ATXN1: variants seen among roughly 807,000 people sequenced by gnomAD.
ATXN1 encodes ataxin-1.
A neutral mutation model predicts 56.4 loss-of-function variants in ATXN1; 8 were observed. The ratio of observed to expected loss-of-function variants is 0.14; its 90% CI spans 0.08 to 0.26. The LOEUF is 0.26. Among genes scored for constraint, ATXN1 ranks in the 10% least tolerant of loss-of-function variants. ATXN1 has a pLI of 1.00. For missense variants in ATXN1, 987 were observed against 1,106.5 expected (o/e 0.89, Z 1.53); for synonymous variants, 514 against 494.6 (o/e 1.04, Z -0.52).
chr6:16,694,055 AC>A (rs1381970271), intron 2 of ATXN1, among the ~76,000 whole-genome samples: 1 of 152,226 alleles, frequency 6.6e-6, no homozygotes, highest in African/African-American at 2.4e-5. Context: ...TAAGATGCCT[AC>A]ATGTTTCAAA....
chr6:16,471,688 C>CGTGTGTGT (rs70999327), intron 6 of ATXN1, among the ~76,000 whole-genome samples: 41,208 of 149,206 alleles, frequency 0.28, 6,651 homozygotes, highest in Non-Finnish European at 0.37. Flanking sequence ...TGCATGCATG[C>CGTGTGTGT]GTGTGTGTGT....
chr6:16,580,658 T>C (rs924018391), intron 4 of ATXN1, among the ~76,000 whole-genome samples: 1 of 152,254 alleles, frequency 6.6e-6, no homozygotes, highest in Non-Finnish European at 1.5e-5. Flanking sequence ...AGAAATCATA[T>C]TATTTATAAA....
chr6:16,578,201 A>G (rs930365877), intron 4 of ATXN1, among the ~76,000 whole-genome samples: 3 of 152,216 alleles, frequency 2.0e-5, no homozygotes, highest in Non-Finnish European at 4.4e-5. Context: ...TGGTTAAACT[A>G]AAATGCCCAG....
At chr6:16,733,569 A>C (rs918020356) in intron 2 of ATXN1, among the ~76,000 whole-genome samples, 1 of 150,772 alleles carries the variant, frequency 6.6e-6, no homozygotes, top group African/African-American at 2.4e-5. Flanking sequence ...ACCTCTTGGA[A>C]AAAAAAAAGA....
chr6:16,332,518 C>T (rs566449006), intron 6 of ATXN1, among the ~76,000 whole-genome samples: 37 of 152,260 alleles, frequency 2.4e-4, no homozygotes, highest in African/African-American at 8.7e-4. Context: ...AGGGGACCCC[C>T]GAGGAGTTTA....
chr6:16,588,938 G>A (rs1458307542), intron 3 of ATXN1, among the ~76,000 whole-genome samples: 2 of 152,038 alleles, frequency 1.3e-5, no homozygotes, highest in Admixed American at 1.3e-4. Flanking sequence ...AACATGCAAG[G>A]CTCCTTGAGC....
intron 2 of ATXN1, chr6:16,739,983 C>G: frequency 2.3e-6 from 1 of 431,198 alleles, no homozygotes; most frequent in African/African-American, 2.0e-5. Context: ...GGCTGTATCT[C>G]CTTGACTCCT....
intron 3 of ATXN1, among the ~76,000 whole-genome samples, chr6:16,633,223 T>C (rs2113812404): frequency 6.6e-6 from 1 of 152,340 alleles, no homozygotes; most frequent in Non-Finnish European, 1.5e-5. Context: ...TAAGATTCTC[T>C]TGTTGGGTAG....
chr6:16,567,145 T>C (rs960481802), intron 4 of ATXN1, among the ~76,000 whole-genome samples: 1 of 152,206 alleles, frequency 6.6e-6, no homozygotes, highest in Non-Finnish European at 1.5e-5. Flanking sequence ...TGTCAATTAA[T>C]GAAGATTAAA....
At chr6:16,329,309 T>C (rs1331907027) in intron 6 of ATXN1, among the ~76,000 whole-genome samples, 1 of 152,074 alleles carries the variant, frequency 6.6e-6, no homozygotes, top group African/African-American at 2.4e-5. Flanking sequence ...TGCACTCGAT[T>C]TCTGAATCCT....
intron 4 of ATXN1, among the ~76,000 whole-genome samples, chr6:16,580,306 A>G (rs1023986263): frequency 3.9e-5 from 6 of 152,238 alleles, no homozygotes; most frequent in Admixed American, 2.0e-4. Context: ...ACATATTTAA[A>G]TGCTTCATTT....
At chr6:16,614,817 G>A (rs1763175707) in intron 3 of ATXN1, among the ~76,000 whole-genome samples, 1 of 151,510 alleles carries the variant, frequency 6.6e-6, no homozygotes, top group Admixed American at 6.6e-5. Context: ...CAGATACTTG[G>A]GAGTCTGAGG....
chr6:16,482,224 T>C (rs1027051132), intron 6 of ATXN1, among the ~76,000 whole-genome samples: 2 of 152,108 alleles, frequency 1.3e-5, no homozygotes, highest in African/African-American at 4.8e-5. Flanking sequence ...TGAATGTCAT[T>C]TAGGCATTCA....
At chr6:16,663,508 C>T (rs993808447) in intron 2 of ATXN1, among the ~76,000 whole-genome samples, 1 of 152,100 alleles carries the variant, frequency 6.6e-6, no homozygotes, top group Non-Finnish European at 1.5e-5. Flanking sequence ...AAGAAATTCT[C>T]GCTGCACTCC....
chr6:16,711,122 T>C (rs1759513289), intron 2 of ATXN1, among the ~76,000 whole-genome samples: 1 of 152,200 alleles, frequency 6.6e-6, no homozygotes, highest in African/African-American at 2.4e-5. Flanking sequence ...CAGAGAGTCT[T>C]AAAACACATA....
At chr6:16,510,409 A>G (rs1761061840) in intron 5 of ATXN1, among the ~76,000 whole-genome samples, 1 of 152,204 alleles carries the variant, frequency 6.6e-6, no homozygotes, top group South Asian at 2.1e-4. Flanking sequence ...TAACTTACAT[A>G]ACTCATTCAA....
chr6:16,347,131 G>A (rs569292686), intron 6 of ATXN1, among the ~76,000 whole-genome samples: 68 of 152,334 alleles, frequency 4.5e-4, no homozygotes, highest in Middle Eastern at 3.4e-3. Context: ...CTGCCCCTCC[G>A]TGGGCTCCTG....
At chr6:16,324,026 T>C (rs547706664) in intron 7 of ATXN1, among the ~76,000 whole-genome samples, 1 of 152,214 alleles carries the variant, frequency 6.6e-6, no homozygotes, top group Non-Finnish European at 1.5e-5. Flanking sequence ...CAAAGAAAAG[T>C]ATTCAGGGCT....
At chr6:16,423,512 C>T (rs529178644) in intron 6 of ATXN1, among the ~76,000 whole-genome samples, 12 of 152,182 alleles carry the variant, frequency 7.9e-5, no homozygotes, top group Admixed American at 1.3e-4. Flanking sequence ...TCTACTGGTC[C>T]GGGATTTGGG....
Sources: allele counts gnomAD v4.1 joint callset (sites outside exome capture counted in the v4.1 genomes callset), GRCh38; gene constraint gnomAD v4.1.1; transcripts MANE v1.5; gene names NCBI Gene and HGNC (gene_info 2026-07-23, HGNC 2026-07-21).